The following PRKN variants were observed in gnomAD, a reference collection of about 807,000 sequenced individuals.
PRKN encodes parkin RBR E3 ubiquitin protein ligase.
In PRKN, 56 loss-of-function variants were observed where a neutral mutation model predicts 59.5. The ratio of observed to expected loss-of-function variants is 0.94; its 90% confidence interval spans 0.76 to 1.18. The LOEUF is 1.18. PRKN is among the 50% of genes most tolerant of loss of function. The probability of loss-of-function intolerance (pLI) is 0.00; values close to 1 mark genes in which losing one functional copy is unlikely to be tolerated. For missense variants in PRKN, 657 were observed against 596.4 expected, an observed-to-expected ratio of 1.10 and a Z score of -1.06; for synonymous variants, 250 against 222.1, an observed-to-expected ratio of 1.13 and a Z score of -1.12.
At chr6:162,147,423 G>T (rs1782080425) in intron 4 of PRKN, among the ~76,000 whole-genome samples, 1 of 145,732 alleles carries the variant, frequency 6.9e-6, no homozygotes, top group Non-Finnish European at 1.5e-5. Flanking sequence ...TTCTTTAGTT[G>T]ATTTTGTATT....
intron 8 of PRKN, among the ~76,000 whole-genome samples, chr6:161,553,862 T>C (rs1435173367): frequency 6.6e-6 from 1 of 152,238 alleles, no homozygotes; most frequent in Non-Finnish European, 1.5e-5. Flanking sequence ...AACATGATCC[T>C]GACACCATTC....
intron 5 of PRKN, among the ~76,000 whole-genome samples, chr6:162,023,519 G>A (rs1196838302): frequency 6.6e-6 from 1 of 152,044 alleles, no homozygotes; most frequent in East Asian, 1.9e-4. Flanking sequence ...TCTGCTGGTC[G>A]CCTGCCGGTG....
chr6:161,879,930 T>C (rs1215124382), intron 6 of PRKN, among the ~76,000 whole-genome samples: 3 of 152,134 alleles, frequency 2.0e-5, no homozygotes. Context: ...TTTTCTACAC[T>C]TTAGGCATAT....
At chr6:162,522,118 AATTTT>A (rs1439683902) in intron 1 of PRKN, among the ~76,000 whole-genome samples, 1 of 152,120 alleles carries the variant, frequency 6.6e-6, no homozygotes, top group East Asian at 1.9e-4. Context: ...GATCAATTAC[AATTTT>A]ATTTTATTTT....
In PRKN at chr6:162,680,351, T is replaced by C. The variant is rs1290156542; in HGVS notation, c.7+47311A>G. On this transcript the variant is annotated intron_variant, in intron 1 of 11. Coordinates refer to ENST00000366898, the MANE Select transcript of PRKN (RefSeq NM_004562.3). ...TTTATATGTACTGTATGTGTGTGTATATATATATTTAATATTTGAGAAACA... is the reference window on the plus strand; with the variant it reads ...TTTATATGTACTGTATGTGTGTGTACATATATATTTAATATTTGAGAAACA... Among the ~76,000 whole-genome samples the C allele has an allele frequency of 2.6e-5, 4 of 150,990 alleles. No individual in the cohort carries two copies. The East Asian group carries it at 5.8e-4, about 22-fold the overall frequency.
intron 5 of PRKN, among the ~76,000 whole-genome samples, chr6:162,021,824 T>C (rs1301101256): frequency 6.6e-6 from 1 of 152,112 alleles, no homozygotes; most frequent in Non-Finnish European, 1.5e-5. Flanking sequence ...AATAGGTAGT[T>C]TTTCAACCCT....
In PRKN at chr6:162,659,416, G is replaced by A. The variant is rs555330718; in HGVS notation, c.7+68246C>T. Among the ~76,000 whole-genome samples, 7 of 152,144 alleles carry A rather than the reference G, an allele frequency of 4.6e-5. 1 individual carries two copies. In the South Asian group the frequency reaches 1.2e-3, roughly 27 times the overall value. On this transcript the variant is annotated intron_variant, in intron 1 of 11. Transcript: ENST00000366898. ...ATACAGATTAAGAAAGTTAACATAAGTAATGTACCACTATAATTTGAAAAT... is the reference window on the plus strand; with the variant it reads ...ATACAGATTAAGAAAGTTAACATAAATAATGTACCACTATAATTTGAAAAT...
At chr6:161,358,539 C>T (rs13210233) in intron 11 of PRKN, among the ~76,000 whole-genome samples, 1 of 152,084 alleles carries the variant, frequency 6.6e-6, no homozygotes, top group Non-Finnish European at 1.5e-5. Flanking sequence ...CTCTTGAACT[C>T]GGGAGGTGGA....
chr6:162,217,298 C>A (rs1777721405), intron 3 of PRKN, among the ~76,000 whole-genome samples: 1 of 152,156 alleles, frequency 6.6e-6, no homozygotes, highest in Admixed American at 6.5e-5. Flanking sequence ...AGCAGAAAAA[C>A]AAACACACAC....
chr6:162,415,744 G>A (rs943433915), intron 2 of PRKN, among the ~76,000 whole-genome samples: 4 of 152,106 alleles, frequency 2.6e-5, no homozygotes, highest in East Asian at 3.9e-4. Context: ...TTGAACCCGG[G>A]AGGCAGAGGA....
At chr6:162,421,708 A>G (rs7766912) in intron 2 of PRKN, among the ~76,000 whole-genome samples, 78,217 of 151,882 alleles carry the variant, frequency 0.51, 20,508 homozygotes, top group East Asian at 0.69. Context: ...GGAAAACAGC[A>G]ACAGTCTACT....
chr6:161,544,166 C>CAT lies in PRKN; in HGVS notation c.1083+4686_1083+4687dup, dbSNP rs776438093. 5.9e-5 allele frequency among the ~76,000 whole-genome samples: 9 copies of CAT among 152,166 alleles called. No individual in the cohort carries two copies. Among genetic ancestry groups the CAT allele is most frequent in the Non-Finnish European group, 1.3e-4 (9 of 68,040 alleles). On this transcript the variant is annotated intron_variant, in intron 9 of 11. Transcript: ENST00000366898. This position sits in a 1 kb window ranked among gnomAD's most constrained non-coding sequence, Gnocchi z 5.5. ...GTTCTCCCAAGAGTAAGACATTTTA[C>CAT]ATATCAGAATGTACTCTTTACTTGG...
Position 161,546,217 on chromosome 6 carries a change from CTTA to C in PRKN, c.1083+2634_1083+2636del, listed in dbSNP as rs1779789843. On this transcript the variant is annotated intron_variant, in intron 9 of 11. Transcript: ENST00000366898. The surrounding 1 kb of genome is among the most constrained non-coding windows in gnomAD (Gnocchi z 4.4). ...CAGGAACTATTCTAAGTATTTTACA[CTTA>C]TTATCTCATTTAGTATGCACAATAG... 6.6e-6 allele frequency among the ~76,000 whole-genome samples: 1 copy of C among 152,142 alleles called. No homozygotes were observed. Among genetic ancestry groups the C allele is most frequent in the Non-Finnish European group, 1.5e-5 (1 of 68,028 alleles).
intron 4 of PRKN, among the ~76,000 whole-genome samples, chr6:162,143,837 C>T (rs770951986): frequency 4.6e-5 from 7 of 152,038 alleles, no homozygotes; most frequent in Non-Finnish European, 7.4e-5. Context: ...AGTGAAGCGA[C>T]GGGCTGCAGC....
intron 4 of PRKN, among the ~76,000 whole-genome samples, chr6:162,136,163 C>A (rs2128309315): frequency 1.3e-5 from 2 of 150,468 alleles, no homozygotes; most frequent in African/African-American, 4.9e-5. Flanking sequence ...TACAGAATTT[C>A]TATAATATAG....
At chr6:162,037,659 G>C (rs1482435867) in intron 5 of PRKN, among the ~76,000 whole-genome samples, 1 of 151,296 alleles carries the variant, frequency 6.6e-6, no homozygotes, top group Non-Finnish European at 1.5e-5. Flanking sequence ...CAATTCTCCT[G>C]CCTCAGCCTC....
intron 9 of PRKN, among the ~76,000 whole-genome samples, chr6:161,528,653 T>C (rs556450433): frequency 3.9e-5 from 6 of 152,296 alleles, no homozygotes; most frequent in African/African-American, 1.2e-4. Flanking sequence ...CTTTCAAGAA[T>C]GCTGTGAAAA....
chr6:162,322,632 T>C (rs1783079878), intron 2 of PRKN, among the ~76,000 whole-genome samples: 2 of 152,156 alleles, frequency 1.3e-5, no homozygotes, highest in South Asian at 4.1e-4. Flanking sequence ...TTCAAAAATA[T>C]GTTGACCATT....
At chr6:162,573,403 T>C (rs889962338) in intron 1 of PRKN, among the ~76,000 whole-genome samples, 14 of 152,182 alleles carry the variant, frequency 9.2e-5, no homozygotes, top group African/African-American at 3.1e-4. Flanking sequence ...CTCCCATGCA[T>C]AGATATTGGT....
Sources: gnomAD v4.1 joint callset for allele counts (sites outside exome capture counted in the v4.1 genomes callset) on GRCh38, gnomAD v4.1.1 for gene constraint, Gnocchi (gnomAD v3.1) non-coding constraint, MANE v1.5 for transcripts, NCBI Gene and HGNC (gene_info 2026-07-23, HGNC 2026-07-21) for gene names.